NPM1: variants seen among roughly 807,000 people sequenced by gnomAD.
NPM1 encodes nucleophosmin.
NPM1 carries 1 observed loss-of-function variant against 44.1 expected under a neutral mutation model. That is an observed-to-expected ratio of 0.02 (90% confidence interval 0.01 to 0.11). NPM1 has a LOEUF of 0.11. NPM1 is among the 10% of genes least tolerant of loss of function. NPM1 has a pLI of 1.00. For missense variants in NPM1, 197 were observed against 347.8 expected (o/e 0.57, Z 3.45); for synonymous variants, 126 against 111.8 (o/e 1.13, Z -0.80).
chr5:171,409,451 C>T (rs1452715794), intron 10 of NPM1, among the ~76,000 whole-genome samples: 5 of 152,066 alleles, frequency 3.3e-5, no homozygotes, highest in Admixed American at 3.3e-4. Context: ...ACTCAAGAGG[C>T]GGAGGCAGGA....
chr5:171,404,761 G>A (rs896326795), intron 8 of NPM1, among the ~76,000 whole-genome samples: 1 of 148,966 alleles, frequency 6.7e-6, no homozygotes, highest in African/African-American at 2.5e-5. Flanking sequence ...TGCAATCTCG[G>A]CACTTTGGGA....
chr5:171,405,332 ACTC>A lies in NPM1; in HGVS notation c.703_705del (p.Pro235del), dbSNP rs1561875254. ...AGAATCCTTCAAGAAACAGGAAAAAACTCCTAAAACACCAAAAGGACCTAGTTC... is the reference window on the plus strand; with the variant it reads ...AGAATCCTTCAAGAAACAGGAAAAAACTAAAACACCAAAAGGACCTAGTTC... On this transcript the variant is annotated inframe_deletion, in exon 9 of 11. Coordinates refer to ENST00000296930, the MANE Select transcript of NPM1 (RefSeq NM_002520.7). The A allele has an allele frequency of 2.5e-6, 4 of 1,590,758 alleles. No homozygotes were observed. Among genetic ancestry groups the A allele is most frequent in the East Asian group, 2.2e-5 (1 of 44,732 alleles).
At chr5:171,390,719 C>T (rs1487283574) in intron 2 of NPM1, among the ~76,000 whole-genome samples, 1 of 131,972 alleles carries the variant, frequency 7.6e-6, no homozygotes, top group East Asian at 2.3e-4. Context: ...TTTTAATATA[C>T]CTTTCCTGTT....
At chr5:171,392,632 G>A (rs1770637893) in intron 4 of NPM1, 78 bp from the exon 5 acceptor site, 2 of 773,952 alleles carry the variant, frequency 2.6e-6, no homozygotes, top group Non-Finnish European at 4.0e-6. Context: ...AGTTTTTAGA[G>A]TATTTACTAT....
At chr5:171,396,810 G>A (rs1385466199) in intron 6 of NPM1, among the ~76,000 whole-genome samples, 5 of 152,138 alleles carry the variant, frequency 3.3e-5, no homozygotes, top group East Asian at 1.9e-4. Context: ...GTGAAACCCC[G>A]TCTCTGCTAA....
chr5:171,400,325 T>TGAGGGAGATCATCTCATACA, intron 7 of NPM1, 115 bp downstream of exon 7: 2 of 1,193,692 alleles, frequency 1.7e-6, no homozygotes, highest in Non-Finnish European at 2.4e-6. Context: ...CATCTCATAC[T>TGAGGGAGATCATCTCATACA]GAAAATTAGT....
At chr5:171,403,955 G>C (rs1418904985) in intron 8 of NPM1, among the ~76,000 whole-genome samples, 3 of 78,244 alleles carry the variant, frequency 3.8e-5, no homozygotes, top group Non-Finnish European at 2.6e-5. Context: ...CTGGCCGGGT[G>C]GGGGGGCTGA....
chr5:171,406,364 T>G (rs1400266517), intron 9 of NPM1: 1 of 1,591,336 alleles, frequency 6.3e-7, no homozygotes, highest in Admixed American at 1.7e-5. Flanking sequence ...CCCTCCATTT[T>G]AATATGGTCC....
chr5:171,408,055 G>C (rs1321699781), intron 10 of NPM1, among the ~76,000 whole-genome samples: 1 of 151,504 alleles, frequency 6.6e-6, no homozygotes, highest in Non-Finnish European at 1.5e-5. Flanking sequence ...TTGGTACTAT[G>C]TTGGTTAAGG....
chr5:171,400,867 C>G lies in NPM1; in HGVS notation c.611C>G (p.Ala204Gly). The change falls in exon 8 of 11, where the codon GCA becomes GGA. Residue 204 changes from alanine to glycine, a missense_variant. Around this residue, in one of 5 missense-constraint regions of NPM1, gnomAD observed 47 missense variants for 106.5 expected, o/e 0.44. Transcript: ENST00000296930. Reference sequence around the variant, plus strand: ...ATACGAGATACTCCAGCCAAAAATGCACAAAAGTCAAATCAGAATGGAAAA... The same window carrying G: ...ATACGAGATACTCCAGCCAAAAATGGACAAAAGTCAAATCAGAATGGAAAA... ...KSIRDTPAKN[A>G]QKSNQNGKDS... The G allele has an allele frequency of 6.2e-7, 1 of 1,610,660 alleles. No individual in the cohort carries two copies. Among genetic ancestry groups the G allele is most frequent in the Non-Finnish European group, 8.5e-7 (1 of 1,178,754 alleles).
At chr5:171,388,596 G>T (rs1391845903) in intron 1 of NPM1, among the ~76,000 whole-genome samples, 4 of 151,956 alleles carry the variant, frequency 2.6e-5, no homozygotes, top group African/African-American at 9.7e-5. Flanking sequence ...ACGTGGTTGG[G>T]GGAGGGAGGG....
intron 8 of NPM1, among the ~76,000 whole-genome samples, chr5:171,401,912 A>G (rs1383684811): frequency 6.6e-6 from 1 of 152,058 alleles, no homozygotes; most frequent in African/African-American, 2.4e-5. Context: ...CAGAAAATGG[A>G]ATTTAAAGGA....
intron 1 of NPM1, among the ~76,000 whole-genome samples, chr5:171,389,174 G>A (rs1471427877): frequency 6.6e-6 from 1 of 152,096 alleles, no homozygotes; most frequent in African/African-American, 2.4e-5. Context: ...AATTGCAGAA[G>A]CCTAATCTTT....
intron 10 of NPM1, among the ~76,000 whole-genome samples, 186 bp downstream of exon 10, chr5:171,407,960 C>G (rs1306122698): frequency 6.6e-6 from 1 of 152,034 alleles, no homozygotes; most frequent in East Asian, 1.9e-4. Flanking sequence ...AGTTGGCAGT[C>G]TGAGATGATA....
At chr5:171,391,658 T>A in intron 3 of NPM1, 48 bp from the exon 4 acceptor site, 7 of 1,321,490 alleles carry the variant, frequency 5.3e-6, no homozygotes, top group Non-Finnish European at 6.5e-6. Flanking sequence ...TAATGTTTAT[T>A]GTTCATTTTC....
At chr5:171,387,844 G>T (rs573534099), upstream of NPM1, 42 of 1,070,436 alleles carry the variant, frequency 3.9e-5, no homozygotes, top group Middle Eastern at 2.9e-4. Context: ...CGGGGAGCCT[G>T]CGTCCTTTCC....
At chr5:171,407,826 T>G in intron 10 of NPM1, 52 bp downstream of exon 10, 1 of 1,121,124 alleles carries the variant, frequency 8.9e-7, no homozygotes, top group Non-Finnish European at 1.4e-6. Flanking sequence ...TTGTGATTTA[T>G]TATGATTCTG....
At chr5:171,393,462 G>A (rs1288525723) in intron 6 of NPM1, among the ~76,000 whole-genome samples, 1 of 152,096 alleles carries the variant, frequency 6.6e-6, no homozygotes, top group Non-Finnish European at 1.5e-5. Flanking sequence ...TTCTAAAAGG[G>A]ATATTAAGAT....
chr5:171,409,576 C>T (rs1771723858), intron 10 of NPM1, among the ~76,000 whole-genome samples: 1 of 152,176 alleles, frequency 6.6e-6, no homozygotes, highest in South Asian at 2.1e-4. Flanking sequence ...TTAATATTGG[C>T]ATTCGGTATT....
Sources: gnomAD v4.1 joint callset for allele counts (sites outside exome capture counted in the v4.1 genomes callset) on GRCh38, gnomAD v4.1.1 for gene constraint, gnomAD v4.1.1 regional missense constraint, MANE v1.5 for transcripts, NCBI Gene and HGNC (gene_info 2026-07-23, HGNC 2026-07-21) for gene names.